Variants in GARIN6 observed in about 807,000 individuals in gnomAD.
GARIN6 encodes the protein Golgi-associated RAB2 interactor protein 6.
the GARIN6 span, chr12:99,648,716 G>T: frequency 6.2e-7 from 1 of 1,614,070 alleles, no homozygotes. Flanking sequence ...GAGGCTTACA[G>T]TGATACCAGG....
the GARIN6 span, chr12:99,648,393 C>T: frequency 3.9e-4 from 631 of 1,614,144 alleles, 6 homozygotes; most frequent in African/African-American, 6.2e-3. Flanking sequence ...CAATGGGCAT[C>T]GTTCGCACCA....
chr12:99,649,474 T>G, the GARIN6 span: 5 of 1,196,700 alleles, frequency 4.2e-6, no homozygotes, highest in African/African-American at 7.5e-5. Flanking sequence ...TAGTGCCTGA[T>G]GAAGGGGCAG....
the GARIN6 span, chr12:99,649,975 G>A: frequency 1.3e-5 from 2 of 153,126 alleles, no homozygotes. Context: ...TACACATGGT[G>A]CAGAGGTGGA....
the GARIN6 span, chr12:99,649,730 G>T: frequency 4.3e-6 from 1 of 234,132 alleles, no homozygotes; most frequent in Non-Finnish European, 8.4e-6. Context: ...AGTGCTACTG[G>T]CCTCTCCCTA....
At chr12:99,649,397 G>A in the GARIN6 span, 2 of 1,609,436 alleles carry the variant, frequency 1.2e-6, no homozygotes, top group Non-Finnish European at 1.7e-6. Flanking sequence ...ATAGAGATAT[G>A]AATCCAACAT....
At chr12:99,648,196 C>T in the GARIN6 span, 1 of 1,613,914 alleles carries the variant, frequency 6.2e-7, no homozygotes, top group South Asian at 1.1e-5. Flanking sequence ...CTGTATGCTA[C>T]CGTATTACAC....
the GARIN6 span, chr12:99,647,887 T>C: frequency 2.5e-6 from 1 of 405,134 alleles, no homozygotes; most frequent in Non-Finnish European, 4.4e-6. Context: ...CACTGACACC[T>C]GTGTGCCCGG....
chr12:99,648,632 G>C, the GARIN6 span: 1 of 1,614,190 alleles, frequency 6.2e-7, no homozygotes, highest in South Asian at 1.1e-5. Context: ...CTTCAGCTGT[G>C]TCCTCCATCG....
chr12:99,648,851 T>C, the GARIN6 span: 4 of 1,523,240 alleles, frequency 2.6e-6, no homozygotes, highest in Non-Finnish European at 3.5e-6. Context: ...GTACAGGTCC[T>C]GTAAAGCCTT....
At chr12:99,649,670 G>A in the GARIN6 span, 5 of 367,690 alleles carry the variant, frequency 1.4e-5, no homozygotes, top group Non-Finnish European at 2.5e-5. Context: ...GTTATAGCAA[G>A]GGCTGCATGC....
chr12:99,649,593 C>A, the GARIN6 span: 1 of 540,390 alleles, frequency 1.9e-6, no homozygotes, highest in Non-Finnish European at 3.3e-6. Flanking sequence ...GCAAAAGCAG[C>A]CTTCAGAGGT....
chr12:99,647,789 G>A, the GARIN6 span: 12 of 214,982 alleles, frequency 5.6e-5, no homozygotes, highest in Non-Finnish European at 1.0e-4. Flanking sequence ...AAGAGCAGTG[G>A]GATTGCCAGT....
chr12:99,649,352 C>A, the GARIN6 span: 5 of 1,614,114 alleles, frequency 3.1e-6, no homozygotes, highest in Non-Finnish European at 4.2e-6. Flanking sequence ...CACATGAATG[C>A]TGAAATGTTT....
chr12:99,648,536 TTCCCTTG>T, the GARIN6 span: 1 of 1,614,080 alleles, frequency 6.2e-7, no homozygotes, highest in Admixed American at 1.7e-5. Context: ...ACCAGGCTGC[TTCCCTTG>T]ATGTTTGTGA....
chr12:99,648,744 C>T, the GARIN6 span: 2 of 1,613,608 alleles, frequency 1.2e-6, no homozygotes, highest in Non-Finnish European at 1.7e-6. Flanking sequence ...TAGCTGGGAA[C>T]ACATTGGACT....
the GARIN6 span, among the ~76,000 whole-genome samples, chr12:99,648,988 A>G: frequency 1.3e-5 from 2 of 152,130 alleles, no homozygotes; most frequent in Non-Finnish European, 2.9e-5. Flanking sequence ...CCAAGCCTGA[A>G]TTTCAGAGAT....
chr12:99,648,163 T>A, the GARIN6 span: 1 of 1,527,508 alleles, frequency 6.5e-7, no homozygotes, highest in Non-Finnish European at 8.8e-7. Context: ...CTGTCTTGAT[T>A]TAAAGGAAGA....
At chr12:99,648,589 C>T in the GARIN6 span, 4 of 1,614,074 alleles carry the variant, frequency 2.5e-6, no homozygotes, top group African/African-American at 4.0e-5. Context: ...AAAACAGCTC[C>T]ACCTGAAGCT....
chr12:99,647,922 G>A, the GARIN6 span: 5 of 486,230 alleles, frequency 1.0e-5, no homozygotes, highest in South Asian at 1.6e-4. Flanking sequence ...CCCAACACCT[G>A]TGCTCCTGAC....
Sources: allele counts gnomAD v4.1 joint callset (sites outside exome capture counted in the v4.1 genomes callset), GRCh38; gene constraint gnomAD v4.1.1; transcripts MANE v1.5; gene names NCBI Gene and HGNC (gene_info 2026-07-23, HGNC 2026-07-21).